Variants in DEPDC1B observed in about 807,000 individuals in gnomAD.
DEPDC1B encodes the protein DEP domain-containing protein 1B.
DEPDC1B carries 51 observed loss-of-function variants against 66.5 expected under a neutral mutation model. That is an observed-to-expected ratio of 0.77 (90% CI 0.61 to 0.97). DEPDC1B has a LOEUF of 0.97. DEPDC1B is among the 50% of genes least tolerant of loss of function. The pLI is 0.00. For missense variants in DEPDC1B, 552 were observed against 637.1 expected (o/e 0.87, Z 1.44); for synonymous variants, 226 against 223.6 (o/e 1.01, Z -0.10).
In DEPDC1B at chr5:60,639,039, T is replaced by C. The variant is rs545207789; in HGVS notation, c.758-149A>G. The C allele has an allele frequency of 7.8e-6, 6 of 765,758 alleles. No individual in the cohort carries two copies. In the African/African-American group the frequency reaches 1.1e-4, roughly 14 times the overall value. The allele number at this position is 765,758 out of a possible 1,614,324, so 47.4% of individuals were successfully genotyped here. On this transcript the variant is annotated intron_variant, in intron 6 of 10. Transcript: ENST00000265036. ...ATGGGGAAAATTGACATTAATTAAATAGGCATTCTACACTGATATTAATTA... is the reference window on the plus strand; with the variant it reads ...ATGGGGAAAATTGACATTAATTAAACAGGCATTCTACACTGATATTAATTA...
chr5:60,659,913 C>A (rs1753668802), intron 2 of DEPDC1B, among the ~76,000 whole-genome samples: 1 of 152,270 alleles, frequency 6.6e-6, no homozygotes, highest in South Asian at 2.1e-4. Flanking sequence ...TTTAGGTATA[C>A]AGCTCTTGAC....
At chr5:60,693,210 T>C (rs1250086098) in intron 1 of DEPDC1B, among the ~76,000 whole-genome samples, 1 of 152,134 alleles carries the variant, frequency 6.6e-6, no homozygotes, top group Non-Finnish European at 1.5e-5. Flanking sequence ...GTTCACATAC[T>C]AAAATTATTA....
At chr5:60,622,167 CACA>C (rs1262343040) in intron 7 of DEPDC1B, among the ~76,000 whole-genome samples, 2 of 152,036 alleles carry the variant, frequency 1.3e-5, no homozygotes, top group Non-Finnish European at 2.9e-5. Context: ...ATGTAAACAG[CACA>C]ACAATGAAAA....
Position 60,603,558 on chromosome 5 carries a change from T to A in DEPDC1B, c.1075A>T (p.Thr359Ser), listed in dbSNP as rs751066440. Reference sequence around the variant, plus strand: ...GAACACAAGATGCAACGGGAAAATGTCTGAACCATCTAAAAAAAGAGCGGG... The same window carrying A: ...GAACACAAGATGCAACGGGAAAATGACTGAACCATCTAAAAAAAGAGCGGG... ...GFGTRTLMVQ[T>S]FSRCILCSKD... Residue 359 changes from threonine to serine, a missense_variant, in exon 9 of 11, where the codon ACA becomes TCA. Transcript: ENST00000265036. 2 of 1,595,134 alleles carry A rather than the reference T, an allele frequency of 1.3e-6. No individual in the cohort carries two copies. Among genetic ancestry groups the A allele is most frequent in the Admixed American group, 1.8e-5 (1 of 54,824 alleles).
intron 7 of DEPDC1B, among the ~76,000 whole-genome samples, chr5:60,614,983 C>A (rs1482840533): frequency 6.6e-6 from 1 of 151,912 alleles, no homozygotes; most frequent in Admixed American, 6.6e-5. Context: ...AGAGCAAGAC[C>A]CTGTCTCAAA....
intron 6 of DEPDC1B, among the ~76,000 whole-genome samples, chr5:60,639,244 C>T (rs1191168776): frequency 3.3e-5 from 5 of 152,056 alleles, no homozygotes; most frequent in Admixed American, 6.5e-5. Flanking sequence ...CTTTGAAATA[C>T]TCAACATTAT....
chr5:60,624,208 T>C (rs1752764982), intron 7 of DEPDC1B, among the ~76,000 whole-genome samples: 1 of 152,188 alleles, frequency 6.6e-6, no homozygotes, highest in Non-Finnish European at 1.5e-5. Flanking sequence ...TTAATGGGTG[T>C]TGAATATTGT....
intron 5 of DEPDC1B, among the ~76,000 whole-genome samples, chr5:60,644,408 C>G (rs1171800389): frequency 6.6e-6 from 1 of 152,112 alleles, no homozygotes; most frequent in Non-Finnish European, 1.5e-5. Context: ...CAGTCAGACC[C>G]CAGGGCCCAC....
chr5:60,619,909 C>T (rs1359279292), intron 7 of DEPDC1B, among the ~76,000 whole-genome samples: 1 of 152,100 alleles, frequency 6.6e-6, no homozygotes, highest in Non-Finnish European at 1.5e-5. Flanking sequence ...GCTACAGTCA[C>T]CAAAACAGCA....
intron 9 of DEPDC1B, among the ~76,000 whole-genome samples, chr5:60,601,616 A>G (rs1752200780): frequency 6.6e-6 from 1 of 152,212 alleles, no homozygotes; most frequent in African/African-American, 2.4e-5. Flanking sequence ...TGCTTCCAAA[A>G]TGGGGGAAAG....
intron 7 of DEPDC1B, among the ~76,000 whole-genome samples, chr5:60,606,183 C>T (rs9885186): frequency 6.6e-6 from 1 of 152,128 alleles, no homozygotes; most frequent in Non-Finnish European, 1.5e-5. Context: ...TCAACACTCA[C>T]GTTGTTAATA....
At chr5:60,624,415 C>T (rs542868800) in intron 7 of DEPDC1B, among the ~76,000 whole-genome samples, 25 of 152,054 alleles carry the variant, frequency 1.6e-4, no homozygotes, top group Non-Finnish European at 2.8e-4. Context: ...TGTATTTTTG[C>T]ATTTGGTTTT....
At chr5:60,678,234 G>A (rs1037209899) in intron 2 of DEPDC1B, among the ~76,000 whole-genome samples, 13 of 151,914 alleles carry the variant, frequency 8.6e-5, no homozygotes, top group Middle Eastern at 6.8e-3. Context: ...TCCCGAAAAC[G>A]CTCCTTCCTG....
At chr5:60,664,037 T>G (rs532743364) in intron 2 of DEPDC1B, among the ~76,000 whole-genome samples, 25 of 152,310 alleles carry the variant, frequency 1.6e-4, no homozygotes, top group Non-Finnish European at 2.6e-4. Flanking sequence ...TTATACACAC[T>G]AATTAAGGAA....
At position 60,605,697 on chromosome 5, in the gene DEPDC1B, C is replaced by T; in HGVS notation, c.1058G>A (p.Arg353Gln). The part of the protein sequence containing the change: ...MPPLCDGFGT[R>Q]TLMVQTFSRC... ...TGTTAAAAATCAACCTACCAGTGTT[C>T]GGGTACCAAAGCCATCACACAGGGG... Residue 353 changes from arginine (R) to glutamine (Q), a missense_variant, in exon 8 of 11, where the codon CGA becomes CAA. Arg to Gln is a conservative substitution (Grantham distance 43). Transcript: ENST00000265036. The T allele has an allele frequency of 3.1e-6, 5 of 1,610,538 alleles. No homozygotes were observed. Among genetic ancestry groups the T allele is most frequent in the Non-Finnish European group, 4.2e-6 (5 of 1,178,418 alleles).
intron 5 of DEPDC1B, among the ~76,000 whole-genome samples, chr5:60,644,245 G>T (rs1344515762): frequency 1.3e-5 from 2 of 151,960 alleles, no homozygotes; most frequent in Non-Finnish European, 2.9e-5. Context: ...TTGTTTGTTT[G>T]TTTTTTCTGA....
intron 2 of DEPDC1B, among the ~76,000 whole-genome samples, chr5:60,668,078 G>A (rs1753924250): frequency 2.7e-5 from 2 of 75,044 alleles, no homozygotes; most frequent in Admixed American, 1.4e-4. Context: ...TATATAAAAT[G>A]GATATTTTAT....
intron 1 of DEPDC1B, among the ~76,000 whole-genome samples, chr5:60,691,055 CTTT>C (rs58826050): frequency 5.7e-5 from 8 of 139,266 alleles, no homozygotes; most frequent in Admixed American, 7.2e-5. Flanking sequence ...ACTTTTTCTA[CTTT>C]TTTTTTTTTT....
intron 7 of DEPDC1B, among the ~76,000 whole-genome samples, chr5:60,615,443 C>T (rs1752524654): frequency 6.6e-6 from 1 of 152,220 alleles, no homozygotes. Flanking sequence ...GGGTCACTCT[C>T]ACCCTAATAC....
Sources: gnomAD v4.1 joint callset for allele counts (sites outside exome capture counted in the v4.1 genomes callset) on GRCh38, gnomAD v4.1.1 for gene constraint, MANE v1.5 for transcripts, NCBI Gene and HGNC (gene_info 2026-07-23, HGNC 2026-07-21) for gene names.